Variants in ZRANB3 observed in about 807,000 individuals in gnomAD.
ZRANB3 encodes DNA annealing helicase and endonuclease ZRANB3.
In ZRANB3, 125 loss-of-function variants were observed where a neutral mutation model predicts 133.8. The ratio of observed to expected loss-of-function variants is 0.93; its 90% CI spans 0.81 to 1.08. ZRANB3 has a LOEUF of 1.08. Ranked by LOEUF, ZRANB3 falls within the 50% of genes least tolerant of loss-of-function variation. The probability of loss-of-function intolerance (pLI) is 0.00; values close to 1 mark genes in which losing one functional copy is unlikely to be tolerated. For synonymous variants in ZRANB3, 387 were observed against 432.7 expected (o/e 0.89, Z 1.31); for missense variants, 1,229 against 1,275.5 (o/e 0.96, Z 0.56).
At chr2:135,237,345 A>G (rs1425733045) in intron 12 of ZRANB3, among the ~76,000 whole-genome samples, 20 of 151,132 alleles carry the variant, frequency 1.3e-4, no homozygotes, top group East Asian at 1.9e-4. Context: ...TGTTGGTGGG[A>G]CTGTAAACTA....
intron 2 of ZRANB3, among the ~76,000 whole-genome samples, chr2:135,396,727 G>C (rs1353609241): frequency 1.3e-5 from 2 of 152,000 alleles, no homozygotes; most frequent in Non-Finnish European, 2.9e-5. Flanking sequence ...AAAATAGAAT[G>C]AATAATATCT....
chr2:135,383,320 A>G (rs1236660897), intron 3 of ZRANB3, among the ~76,000 whole-genome samples: 6 of 152,246 alleles, frequency 3.9e-5, no homozygotes, highest in Non-Finnish European at 8.8e-5. Flanking sequence ...CATGCACCAA[A>G]TACAGGAGCA....
chr2:135,475,479 C>CAAA (rs1399624445), intron 2 of ZRANB3, among the ~76,000 whole-genome samples: 1 of 152,170 alleles, frequency 6.6e-6, no homozygotes, highest in Non-Finnish European at 1.5e-5. Flanking sequence ...TTGTCATGCT[C>CAAA]AATTTCATAG....
At chr2:135,409,710 T>G (rs1372582306) in intron 2 of ZRANB3, among the ~76,000 whole-genome samples, 1 of 152,154 alleles carries the variant, frequency 6.6e-6, no homozygotes, top group Non-Finnish European at 1.5e-5. Context: ...TGACATGATT[T>G]TACACCTTGA....
At chr2:135,311,581 T>TAAAAAAAAA (rs372719391) in intron 8 of ZRANB3, among the ~76,000 whole-genome samples, 1 of 139,684 alleles carries the variant, frequency 7.2e-6, no homozygotes, top group Non-Finnish European at 1.6e-5. Context: ...GGTGAAAGAA[T>TAAAAAAAAA]AAAAAAAAAA....
chr2:135,397,128 TAAAC>T (rs944797888), intron 2 of ZRANB3, among the ~76,000 whole-genome samples: 5 of 151,590 alleles, frequency 3.3e-5, no homozygotes, highest in Non-Finnish European at 7.4e-5. Flanking sequence ...AGACTGCATC[TAAAC>T]AAACAAACAA....
rs1694362067 is a variant in ZRANB3 at position 135,217,536 on chromosome 2, C to G, written c.2424G>C (p.Gln808His). Residue 808 changes from glutamine to histidine, a missense_variant, in exon 17 of 21, where the codon CAG becomes CAC. Transcript: ENST00000264159. ...MKQRIIRKSGQLFCSPILALE... is the reference protein window; with the variant it reads ...MKQRIIRKSGHLFCSPILALE... The stretch of plus-strand genomic sequence containing the variant: ...AAGCAAGAATTGGGCTACAGAATAG[C>G]TGTCCACTTTTCCTGATTATCCTTT... The G allele has an allele frequency of 1.2e-6, 2 of 1,613,746 alleles. No homozygotes were observed. The highest frequency in any genetic ancestry group is 1.3e-5 in the African/African-American group (1 of 75,046).
intron 5 of ZRANB3, among the ~76,000 whole-genome samples, chr2:135,349,758 T>C (rs1573956610): frequency 6.6e-6 from 1 of 152,172 alleles, no homozygotes; most frequent in African/African-American, 2.4e-5. Context: ...ATAATAAAGG[T>C]AAAAGCTATG....
At chr2:135,487,349 A>G (rs1276457970) in intron 2 of ZRANB3, among the ~76,000 whole-genome samples, 2 of 152,230 alleles carry the variant, frequency 1.3e-5, no homozygotes, top group Admixed American at 6.5e-5. Flanking sequence ...TAGGATATTC[A>G]GATGGTCAAT....
intron 2 of ZRANB3, among the ~76,000 whole-genome samples, chr2:135,486,676 G>A (rs980635549): frequency 6.6e-6 from 1 of 152,058 alleles, no homozygotes; most frequent in Non-Finnish European, 1.5e-5. Flanking sequence ...AGCATGCCTG[G>A]CTAATTTTTG....
chr2:135,495,543 GAAT>G (rs1054421198), intron 2 of ZRANB3, among the ~76,000 whole-genome samples: 2 of 152,090 alleles, frequency 1.3e-5, no homozygotes, highest in African/African-American at 4.8e-5. Flanking sequence ...TAGAGAGAGA[GAAT>G]AATAAAGTAA....
intron 3 of ZRANB3, among the ~76,000 whole-genome samples, chr2:135,374,362 C>T (rs113104580): frequency 6.6e-6 from 1 of 152,150 alleles, no homozygotes; most frequent in South Asian, 2.1e-4. Context: ...GCTGAGATCA[C>T]GCCACTACAC....
At chr2:135,526,284 C>T (rs550994807) in intron 1 of ZRANB3, among the ~76,000 whole-genome samples, 2 of 151,880 alleles carry the variant, frequency 1.3e-5, no homozygotes, top group South Asian at 4.2e-4. Context: ...CTGCCTCAGC[C>T]TCCCGAGTAG....
At chr2:135,529,889 G>T (rs907488860) in intron 1 of ZRANB3, among the ~76,000 whole-genome samples, 1 of 151,290 alleles carries the variant, frequency 6.6e-6, no homozygotes, top group Non-Finnish European at 1.5e-5. Flanking sequence ...CCTTCAAACA[G>T]AAAAGCCCTT....
chr2:135,426,551 C>T (rs867081236), intron 2 of ZRANB3, among the ~76,000 whole-genome samples: 4 of 151,712 alleles, frequency 2.6e-5, no homozygotes, highest in African/African-American at 9.7e-5. Context: ...GCAAATTGGC[C>T]GGGCACGGTG....
At chr2:135,320,207 A>G (rs1482669932) in intron 6 of ZRANB3, among the ~76,000 whole-genome samples, 1 of 152,234 alleles carries the variant, frequency 6.6e-6, no homozygotes, top group African/African-American at 2.4e-5. Context: ...GGCCGAGCTA[A>G]AAGTGAAAGA....
At chr2:135,384,434 A>G (rs972775614) in intron 3 of ZRANB3, among the ~76,000 whole-genome samples, 2 of 152,212 alleles carry the variant, frequency 1.3e-5, no homozygotes, top group African/African-American at 4.8e-5. Context: ...AGCTGGTACC[A>G]TTCCTTCTGA....
intron 6 of ZRANB3, among the ~76,000 whole-genome samples, chr2:135,337,440 A>G (rs1368581620): frequency 6.6e-6 from 1 of 152,234 alleles, no homozygotes; most frequent in Non-Finnish European, 1.5e-5. Flanking sequence ...AGTAAATCAG[A>G]AACCTGCTTG....
intron 17 of ZRANB3, among the ~76,000 whole-genome samples, chr2:135,216,158 C>T (rs1694301156): frequency 6.6e-6 from 1 of 151,006 alleles, no homozygotes; most frequent in Non-Finnish European, 1.5e-5. Context: ...TTCTTACAAA[C>T]AAATAAATGT....
Sources: gnomAD v4.1 joint callset for allele counts (sites outside exome capture counted in the v4.1 genomes callset) on GRCh38, gnomAD v4.1.1 for gene constraint, MANE v1.5 for transcripts, NCBI Gene and HGNC (gene_info 2026-07-23, HGNC 2026-07-21) for gene names.